ST3GAL1: variants seen among roughly 807,000 people sequenced by gnomAD.
ST3GAL1 encodes CMP-N-acetylneuraminate-beta-galactosamide-alpha-2,3-sialyltransferase 1.
A neutral mutation model predicts 34.1 loss-of-function variants in ST3GAL1; 16 were observed. The ratio of observed to expected loss-of-function variants is 0.47; its 90% CI spans 0.32 to 0.71. ST3GAL1 has a LOEUF of 0.71. Among genes scored for constraint, ST3GAL1 ranks in the 30% least tolerant of loss-of-function variants. The probability of loss-of-function intolerance (pLI) is 0.04; values close to 1 mark genes in which losing one functional copy is unlikely to be tolerated. For missense variants in ST3GAL1, 353 were observed against 447.4 expected, an observed-to-expected ratio of 0.79 and a Z score of 1.90; for synonymous variants, 191 against 184.7, an observed-to-expected ratio of 1.03 and a Z score of -0.28.
At chr8:133,489,302 G>A (rs530267420) in intron 3 of ST3GAL1, among the ~76,000 whole-genome samples, 25 of 152,174 alleles carry the variant, frequency 1.6e-4, no homozygotes, top group African/African-American at 4.8e-4. Flanking sequence ...TAACTCCAAG[G>A]GGCACAGCTG....
intron 1 of ST3GAL1, among the ~76,000 whole-genome samples, chr8:133,562,841 C>CCTTTTTCTTT (rs1819281033): frequency 2.4e-5 from 2 of 82,502 alleles, no homozygotes; most frequent in African/African-American, 8.9e-5. Flanking sequence ...TTCCTTCCTT[C>CCTTTTTCTTT]CTTTCTTTCT....
intron 5 of ST3GAL1, 150 bp downstream of exon 5, chr8:133,475,569 T>C: frequency 1.1e-6 from 1 of 921,706 alleles, no homozygotes; most frequent in Non-Finnish European, 1.6e-6. Context: ...AGCACCTCAC[T>C]CTCATTACCA....
chr8:133,503,785 G>A (rs1040233499), intron 2 of ST3GAL1, among the ~76,000 whole-genome samples: 8 of 152,148 alleles, frequency 5.3e-5, no homozygotes, highest in African/African-American at 1.9e-4. Flanking sequence ...AACTGAACGA[G>A]AGTGGAGAAA....
Position 133,556,391 on chromosome 8 carries a change from T to A in ST3GAL1, c.-581-10465A>T, listed in dbSNP as rs1367711956. Among the ~76,000 whole-genome samples the A allele has an allele frequency of 6.6e-6, 1 of 152,178 alleles. No individual in the cohort carries two copies. The highest frequency in any genetic ancestry group is 1.5e-5 in the Non-Finnish European group (1 of 68,038). ...GCCTCCTGGACAGGAGACAACCCCT[T>A]GGCCTTGCTCTTGGATGGACTGAAT... On this transcript the variant is annotated intron_variant, in intron 1 of 9. Coordinates refer to ENST00000522652, the MANE Select transcript of ST3GAL1 (RefSeq NM_173344.3). This position sits in a 1 kb window ranked among gnomAD's most constrained non-coding sequence, Gnocchi z 8.9.
chr8:133,565,261 C>A, intron 1 of ST3GAL1, among the ~76,000 whole-genome samples: 1 of 151,882 alleles, frequency 6.6e-6, no homozygotes, highest in South Asian at 2.1e-4. Flanking sequence ...TCAGGGAGCT[C>A]CCTGCCTTTG....
At chr8:133,553,060 AG>A (rs1818906755) in intron 1 of ST3GAL1, among the ~76,000 whole-genome samples, 1 of 152,154 alleles carries the variant, frequency 6.6e-6, no homozygotes, top group South Asian at 2.1e-4. Context: ...TTGTGCTCAA[AG>A]GGATACTGAG....
chr8:133,521,810 T>C (rs1360700408), intron 2 of ST3GAL1, among the ~76,000 whole-genome samples: 1 of 152,246 alleles, frequency 6.6e-6, no homozygotes, highest in Non-Finnish European at 1.5e-5. Context: ...ATTTCAGAAT[T>C]ATAATTCCAA....
intron 2 of ST3GAL1, among the ~76,000 whole-genome samples, chr8:133,518,616 G>A (rs981966103): frequency 6.6e-6 from 1 of 152,172 alleles, no homozygotes; most frequent in Admixed American, 6.6e-5. Flanking sequence ...ATACAAAAAT[G>A]CAGCAAACAC....
At chr8:133,528,468 G>A (rs969535844) in intron 2 of ST3GAL1, among the ~76,000 whole-genome samples, 7 of 152,248 alleles carry the variant, frequency 4.6e-5, no homozygotes, top group Non-Finnish European at 1.0e-4. Flanking sequence ...TCTCTGTCCA[G>A]TGATGGGAAC....
At position 133,508,474 on chromosome 8, in the gene ST3GAL1, C is replaced by G. The variant is rs1817407916; in HGVS notation, c.-428-9285G>C. On this transcript the variant is annotated intron_variant, in intron 2 of 9. Transcript: ENST00000522652. This position sits in a 1 kb window ranked among gnomAD's most constrained non-coding sequence, Gnocchi z 4.1. ...GTAGCCCTGTGTCCCCCACCCTTTC[C>G]CTGGAACACTTCCTCTGCAATCTAC... is the stretch of plus-strand genomic sequence containing the variant. Among the ~76,000 whole-genome samples, 1 of 152,124 alleles carries G rather than the reference C, an allele frequency of 6.6e-6. No individual in the cohort carries two copies.
chr8:133,488,448 G>T (rs1816681087), intron 3 of ST3GAL1: 1 of 152,274 alleles, frequency 6.6e-6, no homozygotes, highest in Non-Finnish European at 1.5e-5. Flanking sequence ...CCCTGGAAAA[G>T]AAGAAATTCT....
chr8:133,559,538 C>T (rs955737181), intron 1 of ST3GAL1, among the ~76,000 whole-genome samples: 6 of 152,126 alleles, frequency 3.9e-5, no homozygotes, highest in African/African-American at 1.4e-4. Flanking sequence ...TTAGAAACAA[C>T]CAGTAATACA....
At chr8:133,512,512 C>T (rs559527987) in intron 2 of ST3GAL1, among the ~76,000 whole-genome samples, 10 of 152,250 alleles carry the variant, frequency 6.6e-5, no homozygotes, top group African/African-American at 2.4e-4. Flanking sequence ...TCAAAGACAC[C>T]CAAGAACAAT....
At chr8:133,567,048 G>A (rs1232053329) in intron 1 of ST3GAL1, 1 of 152,236 alleles carries the variant, frequency 6.6e-6, no homozygotes, top group Non-Finnish European at 1.5e-5. Context: ...CAGGGCACAT[G>A]ATGCTTTGAT....
chr8:133,501,029 G>C lies in ST3GAL1; in HGVS notation c.-428-1840C>G, dbSNP rs890956353. The stretch of plus-strand genomic sequence containing the variant: ...ACACCAGGCAAGGGGACTTGGACAG[G>C]CTTGGCTGTCCCCACGGCCTTTAAT... On this transcript the variant is annotated intron_variant, in intron 2 of 9. Transcript: ENST00000522652. Among the ~76,000 whole-genome samples the C allele has an allele frequency of 1.6e-4, 25 of 152,212 alleles. 1 individual carries two copies. Among genetic ancestry groups the C allele is most frequent in the Non-Finnish European group, 2.9e-5 (2 of 68,030 alleles).
rs771615603 is a variant in ST3GAL1, at chr8:133,461,839, C to T, written c.849+36G>A. 1.4e-5 allele frequency: 23 copies of T among 1,612,566 alleles called. No homozygotes were observed. The highest frequency in any genetic ancestry group is 5.0e-5 in the Admixed American group (3 of 59,940). ...CTTGGGAACACAGGACGGTGAGCTTCGAGGCAGCCCTGTGGGCAGGGGGAG... is the reference window on the plus strand; with the variant it reads ...CTTGGGAACACAGGACGGTGAGCTTTGAGGCAGCCCTGTGGGCAGGGGGAG... On this transcript the variant is annotated intron_variant, in intron 9 of 9. Coordinates refer to ENST00000522652, the MANE Select transcript of ST3GAL1 (RefSeq NM_173344.3). The surrounding 1 kb of genome is among the most constrained non-coding windows in gnomAD (Gnocchi z 4.7).
intron 2 of ST3GAL1, among the ~76,000 whole-genome samples, chr8:133,507,781 G>T (rs957859026): frequency 2.0e-5 from 3 of 152,196 alleles, no homozygotes; most frequent in Non-Finnish European, 4.4e-5. Context: ...ACTTCACCTG[G>T]AAAGGCAGGT....
chr8:133,523,226 C>T (rs535715006), intron 2 of ST3GAL1, among the ~76,000 whole-genome samples: 1 of 152,226 alleles, frequency 6.6e-6, no homozygotes, highest in South Asian at 2.1e-4. Flanking sequence ...TTGCTAATCT[C>T]CCAAACACCA....
intron 2 of ST3GAL1, among the ~76,000 whole-genome samples, chr8:133,504,484 C>T (rs1317265369): frequency 6.6e-6 from 1 of 152,234 alleles, no homozygotes; most frequent in African/African-American, 2.4e-5. Context: ...TGCCTGGGGC[C>T]TGGAACTGAA....
Sources: allele counts gnomAD v4.1 joint callset (sites outside exome capture counted in the v4.1 genomes callset), GRCh38; gene constraint gnomAD v4.1.1; non-coding constraint Gnocchi (gnomAD v3.1); transcripts MANE v1.5; gene names NCBI Gene and HGNC (gene_info 2026-07-23, HGNC 2026-07-21).